Variants in MTRF1 observed in about 807,000 individuals in gnomAD.
MTRF1 encodes the protein mitochondrial translation release factor 1.
Under a neutral mutation model 62.9 loss-of-function variants are expected in MTRF1, and 51 were observed. The observed-to-expected ratio is 0.81, with a 90% CI of 0.65 to 1.02. MTRF1 has a LOEUF of 1.02. MTRF1 is among the 50% of genes least tolerant of loss of function. The pLI, the probability that MTRF1 is intolerant of heterozygous loss-of-function variation, is 0.00. For missense variants in MTRF1, 446 were observed against 530.0 expected, an observed-to-expected ratio of 0.84 and a Z score of 1.56; for synonymous variants, 158 against 181.9, an observed-to-expected ratio of 0.87 and a Z score of 1.06.
chr13:41,285,231 C>T, the MTRF1 span, among the ~76,000 whole-genome samples: 1 of 152,148 alleles, frequency 6.6e-6, no homozygotes. Flanking sequence ...TATGAGGAGT[C>T]CTCTTCCCTT....
chr13:41,279,053 A>G, the MTRF1 span, among the ~76,000 whole-genome samples: 4 of 152,236 alleles, frequency 2.6e-5, no homozygotes, highest in African/African-American at 9.6e-5. Context: ...CAGTGGCACA[A>G]TCTCAGCTCA....
At chr13:41,286,277 A>G in the MTRF1 span, among the ~76,000 whole-genome samples, 2 of 152,290 alleles carry the variant, frequency 1.3e-5, no homozygotes, top group South Asian at 4.1e-4. Flanking sequence ...GGAATCCAAG[A>G]TACATAAAAG....
the MTRF1 span, among the ~76,000 whole-genome samples, chr13:41,271,681 T>C: frequency 6.6e-6 from 1 of 152,084 alleles, no homozygotes; most frequent in Non-Finnish European, 1.5e-5. Context: ...GATTTTCCAG[T>C]AGGGCCGCTG....
chr13:41,306,109 G>A, the MTRF1 span, among the ~76,000 whole-genome samples: 2 of 152,180 alleles, frequency 1.3e-5, no homozygotes, highest in African/African-American at 4.8e-5. Context: ...CCGGCTGGGC[G>A]CGGTGGCTCA....
intron 5 of MTRF1, among the ~76,000 whole-genome samples, chr13:41,243,210 C>T (rs1301514600): frequency 6.6e-6 from 1 of 151,818 alleles, no homozygotes; most frequent in Non-Finnish European, 1.5e-5. Flanking sequence ...CAGAGCAAGA[C>T]TCCATCTCAA....
At chr13:41,275,919 G>A in the MTRF1 span, among the ~76,000 whole-genome samples, 1 of 152,106 alleles carries the variant, frequency 6.6e-6, no homozygotes, top group South Asian at 2.1e-4. Context: ...ATGGGAAAAG[G>A]GTTAAAAGAT....
chr13:41,279,196 G>C, the MTRF1 span, among the ~76,000 whole-genome samples: 1 of 151,976 alleles, frequency 6.6e-6, no homozygotes, highest in African/African-American at 2.4e-5. Context: ...CACTATGTTG[G>C]CCAGGCTGGT....
At chr13:41,218,513 C>T (rs2032447621) in intron 9 of MTRF1, among the ~76,000 whole-genome samples, 1 of 152,026 alleles carries the variant, frequency 6.6e-6, no homozygotes, top group African/African-American at 2.4e-5. Context: ...TAAATAACTC[C>T]ACTGGGTGAA....
intron 9 of MTRF1, among the ~76,000 whole-genome samples, chr13:41,218,887 T>G (rs913748533): frequency 6.6e-6 from 1 of 152,218 alleles, no homozygotes; most frequent in African/African-American, 2.4e-5. Flanking sequence ...AGTACCAGCA[T>G]ATAGTAAAAC....
chr13:41,295,757 G>C, the MTRF1 span, among the ~76,000 whole-genome samples: 1 of 152,008 alleles, frequency 6.6e-6, no homozygotes, highest in Non-Finnish European at 1.5e-5. Context: ...CTGTGATTCT[G>C]TTTTGTTTTT....
chr13:41,261,276 G>C lies in MTRF1; in HGVS notation c.-8-361C>G, dbSNP rs1212348951. 5 of 170,660 alleles carry C rather than the reference G, an allele frequency of 2.9e-5. No homozygotes were observed. In the East Asian group the frequency reaches 7.6e-4, roughly 26 times the overall value. The allele number at this position is 170,660 out of a possible 1,614,324, so 10.6% of individuals were successfully genotyped here. A position where few individuals can be genotyped will look rare whatever the true frequency, so the allele number is the denominator to read the frequency against. ...CTGAACCCAGGAGGCAGAGGTTGCAGTGAGCCGAGATCATGCCATTGCACT... is the reference window on the plus strand; with the variant it reads ...CTGAACCCAGGAGGCAGAGGTTGCACTGAGCCGAGATCATGCCATTGCACT... On this transcript the variant is annotated intron_variant, in intron 1 of 9. Coordinates refer to ENST00000379480, the MANE Select transcript of MTRF1 (RefSeq NM_004294.4).
At chr13:41,229,240 T>C (rs141225942) in intron 7 of MTRF1, 165 of 152,374 alleles carry the variant, frequency 1.1e-3, no homozygotes, top group African/African-American at 3.7e-3. Flanking sequence ...TTATGGGATA[T>C]AGAGTGGTAT....
chr13:41,247,003 G>T (rs986095388), intron 5 of MTRF1, among the ~76,000 whole-genome samples: 1 of 152,206 alleles, frequency 6.6e-6, no homozygotes, highest in Non-Finnish European at 1.5e-5. Context: ...CCGCACACCT[G>T]AAGGGAGAAA....
chr13:41,286,198 T>C, the MTRF1 span, among the ~76,000 whole-genome samples: 4 of 152,084 alleles, frequency 2.6e-5, no homozygotes, highest in Non-Finnish European at 4.4e-5. Context: ...TTTGCTTAGT[T>C]GACAGGCTTT....
upstream of MTRF1, among the ~76,000 whole-genome samples, chr13:41,264,835 C>T (rs1302084866): frequency 6.6e-6 from 1 of 152,188 alleles, no homozygotes; most frequent in Non-Finnish European, 1.5e-5. Flanking sequence ...CTCCTAAGCT[C>T]TGATATAGGG....
chr13:41,226,521 C>A lies in MTRF1; in HGVS notation c.1036G>T (p.Glu346Ter). ...QQERSQIKNK[E>*]IAFRVLRARL... is the part of the protein sequence containing the mutation. ...GCTCTCAACACACGAAAGGCTATTTCTTTATTTTTTATCTGTGATCTTTCT... is the reference window on the plus strand; with the variant it reads ...GCTCTCAACACACGAAAGGCTATTTATTTATTTTTTATCTGTGATCTTTCT... The change falls in exon 8 of 10, where the codon GAA (glutamate) becomes TAA (stop). Residue 346 changes from glutamate (E) to a stop codon, truncating the protein, a stop_gained. Transcript: ENST00000379480. LOFTEE classifies it high-confidence loss of function. 6.2e-7 allele frequency: 1 copy of A among 1,613,880 alleles called. No individual in the cohort carries two copies. Among genetic ancestry groups the A allele is most frequent in the Non-Finnish European group, 8.5e-7 (1 of 1,179,914 alleles).
chr13:41,274,348 T>A, the MTRF1 span, among the ~76,000 whole-genome samples: 1 of 152,224 alleles, frequency 6.6e-6, no homozygotes, highest in African/African-American at 2.4e-5. Context: ...ACTTATTTCC[T>A]GAAAACACAC....
the MTRF1 span, among the ~76,000 whole-genome samples, chr13:41,302,596 C>G: frequency 1.3e-5 from 2 of 151,742 alleles, no homozygotes; most frequent in African/African-American, 4.8e-5. Context: ...GTGACACAAT[C>G]ATGGCTCACT....
At chr13:41,235,547 TA>T (rs1316289124) in intron 6 of MTRF1, 1 of 152,206 alleles carries the variant, frequency 6.6e-6, no homozygotes, top group African/African-American at 2.4e-5. Context: ...GGATAGGCCC[TA>T]AATCCAATGA....
Sources: gnomAD v4.1 joint callset for allele counts (sites outside exome capture counted in the v4.1 genomes callset) on GRCh38, gnomAD v4.1.1 for gene constraint, MANE v1.5 for transcripts, NCBI Gene and HGNC (gene_info 2026-07-23, HGNC 2026-07-21) for gene names.